The following COL25A1 variants were observed in gnomAD, a reference collection of about 807,000 sequenced individuals.
The protein encoded by COL25A1 is collagen alpha-1(XXV) chain.
Under a neutral mutation model 128.4 loss-of-function variants are expected in COL25A1, and 103 were observed. The ratio of observed to expected loss-of-function variants is 0.80; its 90% CI spans 0.68 to 0.94. The LOEUF (loss-of-function observed/expected upper bound fraction) is 0.94, where lower values mean the gene tolerates loss of function less well. Ranked by LOEUF, COL25A1 falls within the 40% of genes least tolerant of loss-of-function variation. COL25A1 has a pLI of 0.00. For synonymous variants in COL25A1, 279 were observed against 277.2 expected (o/e 1.01, Z -0.06); for missense variants, 745 against 840.0 (o/e 0.89, Z 1.40).
At chr4:108,970,840 ATGTC>A (rs1239401755) in intron 8 of COL25A1, among the ~76,000 whole-genome samples, 1 of 152,138 alleles carries the variant, frequency 6.6e-6, no homozygotes, top group African/African-American at 2.4e-5. Flanking sequence ...ACTTAACATA[ATGTC>A]CTTCAGGTTC....
At chr4:108,947,754 C>T (rs1748946863) in intron 8 of COL25A1, among the ~76,000 whole-genome samples, 1 of 152,148 alleles carries the variant, frequency 6.6e-6, no homozygotes, top group Non-Finnish European at 1.5e-5. Flanking sequence ...ACATAAATAA[C>T]TCATAAGAAG....
chr4:109,259,735 T>C (rs1306556547), intron 3 of COL25A1, among the ~76,000 whole-genome samples: 1 of 152,142 alleles, frequency 6.6e-6, no homozygotes, highest in Non-Finnish European at 1.5e-5. Flanking sequence ...TTCTAAGTAT[T>C]TACATTCACA....
intron 6 of COL25A1, among the ~76,000 whole-genome samples, chr4:109,009,044 C>T (rs1320438779): frequency 6.6e-6 from 1 of 152,170 alleles, no homozygotes; most frequent in Non-Finnish European, 1.5e-5. Context: ...ATCACTTGAA[C>T]CCGGGAGGCG....
At chr4:108,997,115 A>G (rs553878199) in intron 6 of COL25A1, among the ~76,000 whole-genome samples, 1 of 152,234 alleles carries the variant, frequency 6.6e-6, no homozygotes. Flanking sequence ...AAGGCAAGAA[A>G]TAACTAAGAT....
intron 3 of COL25A1, among the ~76,000 whole-genome samples, chr4:109,075,755 C>T (rs1201977500): frequency 6.6e-6 from 1 of 152,076 alleles, no homozygotes; most frequent in Non-Finnish European, 1.5e-5. Flanking sequence ...CAGACTTAGC[C>T]AAATTAACAA....
chr4:109,139,664 T>G (rs545526377), intron 3 of COL25A1, among the ~76,000 whole-genome samples: 2 of 152,182 alleles, frequency 1.3e-5, no homozygotes, highest in Non-Finnish European at 2.9e-5. Flanking sequence ...CCCCCACCTT[T>G]TATTAGTTTT....
chr4:108,942,344 C>T, intron 8 of COL25A1: 2 of 1,308,310 alleles, frequency 1.5e-6, no homozygotes, highest in Non-Finnish European at 2.2e-6. Flanking sequence ...ACAAACAAAA[C>T]AAGCACATAC....
chr4:109,010,265 G>C (rs1756447099), intron 6 of COL25A1, 93 bp downstream of exon 6: 2 of 1,040,258 alleles, frequency 1.9e-6, no homozygotes, highest in African/African-American at 1.7e-5. Context: ...TCAGTTCATA[G>C]CTTTTTTATA....
rs923393011 is a variant in COL25A1, at chr4:109,041,801, C to A, written c.420+6367G>T. Among the ~76,000 whole-genome samples the A allele has an allele frequency of 2.0e-5, 3 of 152,056 alleles. 1 individual carries two copies. The highest frequency in any genetic ancestry group is 4.4e-5 in the Non-Finnish European group (3 of 67,986). On this transcript the variant is annotated intron_variant, in intron 5 of 37. Transcript: ENST00000399132. ...CTTATCTATGGCTGTGTAACCGTGC[C>A]CAAGATAGCCTTGGAACACACATGT...
At position 109,004,378 on chromosome 4, in the gene COL25A1, T is replaced by C. The variant is rs948469231; in HGVS notation, c.438+5980A>G. 2.0e-5 allele frequency among the ~76,000 whole-genome samples: 3 copies of C among 148,196 alleles called. No individual in the cohort carries two copies. In the Admixed American group the frequency reaches 2.1e-4, roughly 10 times the overall value. On this transcript the variant is annotated intron_variant, in intron 6 of 37. Transcript: ENST00000399132. The stretch of plus-strand genomic sequence containing the variant: ...GAAGGCTTTACAAAATAACATGTGA[T>C]ATAGAAGTAGAATTGAGGTTTGTGT...
rs113681869 is a variant in COL25A1 at position 109,129,133 on chromosome 4, A to AT, written c.368-78955dup. 1.5e-3 allele frequency among the ~76,000 whole-genome samples: 212 copies of AT among 146,086 alleles called. 1 individual carries two copies. Among genetic ancestry groups the AT allele is most frequent in the African/African-American group, 2.1e-3 (85 of 40,044 alleles). On this transcript the variant is annotated intron_variant, in intron 3 of 37. Coordinates refer to ENST00000399132, the MANE Select transcript of COL25A1 (RefSeq NM_198721.4). Reference sequence around the variant, plus strand: ...TAGTTGGACCTTATTTTGTCAAATAATTTTTTTTTTTTTGAGACAGAGTTT... The same window carrying AT: ...TAGTTGGACCTTATTTTGTCAAATAATTTTTTTTTTTTTTGAGACAGAGTTT...
chr4:109,109,952 C>T (rs1284487935), intron 3 of COL25A1, among the ~76,000 whole-genome samples: 3 of 152,202 alleles, frequency 2.0e-5, no homozygotes, highest in African/African-American at 7.2e-5. Context: ...TTAAATCCCT[C>T]ATTTCCATCT....
chr4:108,907,285 G>C (rs538995837), intron 13 of COL25A1, among the ~76,000 whole-genome samples: 69 of 152,096 alleles, frequency 4.5e-4, no homozygotes, highest in Non-Finnish European at 8.2e-4. Context: ...TGTTTACCTA[G>C]AGGACTAAAG....
intron 8 of COL25A1, among the ~76,000 whole-genome samples, chr4:108,952,054 G>T (rs1477918933): frequency 6.6e-6 from 1 of 152,080 alleles, no homozygotes; most frequent in Non-Finnish European, 1.5e-5. Flanking sequence ...TGAATTTAAG[G>T]AAATGAATGT....
chr4:109,033,651 T>C (rs925276401), intron 5 of COL25A1, among the ~76,000 whole-genome samples: 1 of 152,084 alleles, frequency 6.6e-6, no homozygotes, highest in Non-Finnish European at 1.5e-5. Flanking sequence ...GTCTTCAACA[T>C]CTCCCTTTCA....
At chr4:109,199,650 C>T (rs1776397527) in intron 3 of COL25A1, among the ~76,000 whole-genome samples, 1 of 152,038 alleles carries the variant, frequency 6.6e-6, no homozygotes, top group East Asian at 1.9e-4. Context: ...TTATAGTTGC[C>T]ATCAGAGATA....
At chr4:108,816,485 G>A (rs151314214) in intron 37 of COL25A1, among the ~76,000 whole-genome samples, 159 of 152,308 alleles carry the variant, frequency 1.0e-3, no homozygotes, top group African/African-American at 3.5e-3. Flanking sequence ...TGCTTGGAAT[G>A]CTTTTATCCT....
At chr4:108,937,654 T>C in intron 11 of COL25A1, 154 bp downstream of exon 11, 1 of 546,714 alleles carries the variant, frequency 1.8e-6, no homozygotes. Context: ...TTATGACCAT[T>C]AGCATGTAGT....
intron 3 of COL25A1, among the ~76,000 whole-genome samples, chr4:109,089,890 C>A (rs1764745510): frequency 6.6e-6 from 1 of 152,068 alleles, no homozygotes; most frequent in Non-Finnish European, 1.5e-5. Flanking sequence ...CAGGTGTGAG[C>A]CACCACGCCC....
Sources: gnomAD v4.1 joint callset for allele counts (sites outside exome capture counted in the v4.1 genomes callset) on GRCh38, gnomAD v4.1.1 for gene constraint, MANE v1.5 for transcripts, NCBI Gene and HGNC (gene_info 2026-07-23, HGNC 2026-07-21) for gene names.